MYOM2: variants seen among roughly 807,000 people sequenced by gnomAD.
MYOM2 encodes the protein myomesin-2.
A neutral mutation model predicts 187.6 loss-of-function variants in MYOM2; 254 were observed. That is an observed-to-expected ratio of 1.35 (90% confidence interval 1.22 to 1.50). The LOEUF (loss-of-function observed/expected upper bound fraction) is 1.50, where lower values mean the gene tolerates loss of function less well. Ranked by LOEUF, MYOM2 falls within the 40% of genes most tolerant of loss-of-function variation. The pLI is 0.00. For missense variants in MYOM2, 2,796 were observed against 1,924.0 expected, an observed-to-expected ratio of 1.45 and a Z score of -8.48; for synonymous variants, 981 against 753.8, an observed-to-expected ratio of 1.30 and a Z score of -4.94.
rs781403353 is a variant in MYOM2, at chr8:2,100,969, C to T, written c.2534C>T (p.Ser845Phe). ...GTGTACTCCGGCAGCAGCCCTGTTT[C>T]TGGATATTTCGTGGACTTCAGGGAG... Reference protein sequence around the residue: ...APVYSGSSPVSGYFVDFREED... With the variant: ...APVYSGSSPVFGYFVDFREED... The change falls in exon 20 of 37, where the codon TCT becomes TTT. Residue 845 changes from serine to phenylalanine, a missense_variant. Transcript: ENST00000262113. The T allele has an allele frequency of 4.3e-6, 7 of 1,614,188 alleles. No individual in the cohort carries two copies. Among genetic ancestry groups the T allele is most frequent in the Non-Finnish European group, 3.4e-6 (4 of 1,180,032 alleles).
rs759615312 is a variant in MYOM2, at chr8:2,076,258, C to G, written c.1238C>G (p.Pro413Arg). Residue 413 changes from proline to arginine, a missense_variant, in exon 11 of 37, where the codon CCC (proline) becomes CGC (arginine). By Grantham distance (103) the Pro-to-Arg change is moderately radical. Transcript: ENST00000262113. ...CCGCCCAACACCACCACTGAGAGCC[C>G]CGTCATGGGCTATTTTGTGGACCGG... ...WKPPNTTTES[P>R]VMGYFVDRCE... The G allele has an allele frequency of 1.2e-6, 2 of 1,613,664 alleles. No individual in the cohort carries two copies. The highest frequency in any genetic ancestry group is 2.2e-5 in the East Asian group (1 of 44,892).
intron 1 of MYOM2, among the ~76,000 whole-genome samples, chr8:2,049,879 G>A (rs11136457): frequency 0.3 from 45,733 of 151,898 alleles, 7,312 homozygotes; most frequent in Non-Finnish European, 0.36. Context: ...GATGGAACTC[G>A]CTCATCTCCT....
In MYOM2 at chr8:2,092,536, C is replaced by T. The variant is rs1388237215; in HGVS notation, c.2003+16C>T. ...GATACAACAGGTGCGGCCTCCCTCC[C>T]CAGCCCTGGAGTCAGCCTTGCAGGA... On this transcript the variant is annotated intron_variant, in intron 16 of 36. Transcript: ENST00000262113. The T allele has an allele frequency of 6.2e-7, 1 of 1,612,620 alleles. No individual in the cohort carries two copies. Among genetic ancestry groups the T allele is most frequent in the Non-Finnish European group, 8.5e-7 (1 of 1,179,366 alleles).
Position 2,057,439 on chromosome 8 carries a change from C to G in MYOM2, c.355C>G (p.Arg119Gly), listed in dbSNP as rs570741458. The change falls in exon 4 of 37, where the codon CGC becomes GGC. Residue 119 changes from arginine to glycine, a missense_variant. Coordinates refer to ENST00000262113, the MANE Select transcript of MYOM2 (RefSeq NM_003970.4). ...CTTGGAGGAGGATGTCCACCTGGCA[C>G]GCTCCCAGGCCCGCGACAAGCTGGA... is the stretch of plus-strand genomic sequence containing the variant. ...AHLEEDVHLA[R>G]SQARDKLDKY... 6.2e-7 allele frequency: 1 copy of G among 1,613,992 alleles called. No individual in the cohort carries two copies. Among genetic ancestry groups the G allele is most frequent in the South Asian group, 1.1e-5 (1 of 91,030 alleles).
intron 6 of MYOM2, among the ~76,000 whole-genome samples, chr8:2,067,629 G>A (rs1819060514): frequency 1.3e-5 from 2 of 152,270 alleles, no homozygotes; most frequent in African/African-American, 4.8e-5. Context: ...AAGCTGGTGG[G>A]AAGACAGTTC....
intron 10 of MYOM2, 73 bp from the exon 11 acceptor site, chr8:2,076,068 A>C: frequency 1.4e-6 from 2 of 1,417,964 alleles, no homozygotes; most frequent in Non-Finnish European, 1.9e-6. Flanking sequence ...AGCTTGGAGG[A>C]GCTGTAAACA....
chr8:2,122,741 C>T (rs769988760), intron 28 of MYOM2, among the ~76,000 whole-genome samples: 3 of 152,162 alleles, frequency 2.0e-5, no homozygotes, highest in Non-Finnish European at 2.9e-5. Context: ...TTCTAGCCAG[C>T]GATTGAATTG....
chr8:2,045,915 C>T (rs1011103266), intron 1 of MYOM2, among the ~76,000 whole-genome samples: 4 of 152,248 alleles, frequency 2.6e-5, no homozygotes, highest in Non-Finnish European at 5.9e-5. Flanking sequence ...CTGGGAACAC[C>T]TGGCCTTTTC....
chr8:2,100,716 G>C (rs147135468), intron 19 of MYOM2, among the ~76,000 whole-genome samples, 160 bp from the exon 20 acceptor site: 2,035 of 152,202 alleles, frequency 0.013, 21 homozygotes, highest in South Asian at 0.028. Flanking sequence ...TCCTTACCCT[G>C]CTCTGCAAGA....
At chr8:2,057,522 G>A (rs754843872) in intron 4 of MYOM2, 36 bp downstream of exon 4, 2 of 1,613,588 alleles carry the variant, frequency 1.2e-6, no homozygotes, top group Admixed American at 3.3e-5. Context: ...TGTCTGGGAA[G>A]CGTGGACTAG....
intron 6 of MYOM2, 99 bp from the exon 7 acceptor site, chr8:2,069,179 G>A (rs1275347674): frequency 2.4e-5 from 27 of 1,138,294 alleles, no homozygotes; most frequent in Middle Eastern, 3.0e-4. Context: ...AATAAACCAC[G>A]CCATGTGATT....
At chr8:2,137,532 G>A (rs1485209313) in intron 32 of MYOM2, among the ~76,000 whole-genome samples, 1 of 151,590 alleles carries the variant, frequency 6.6e-6, no homozygotes, top group African/African-American at 2.4e-5. Context: ...GTGTGTGCAG[G>A]AAGCACACAT....
chr8:2,071,919 C>G (rs1386328245), intron 8 of MYOM2, among the ~76,000 whole-genome samples: 1 of 152,180 alleles, frequency 6.6e-6, no homozygotes, highest in African/African-American at 2.4e-5. Flanking sequence ...TGGGGTCCCA[C>G]TCTCACGATC....
chr8:2,049,741 G>A (rs1008822499), intron 1 of MYOM2, among the ~76,000 whole-genome samples: 3 of 152,306 alleles, frequency 2.0e-5, no homozygotes, highest in Admixed American at 1.3e-4. Context: ...TTAGGAATAC[G>A]GTCCCTACGT....
intron 20 of MYOM2, among the ~76,000 whole-genome samples, chr8:2,101,436 G>A (rs1246430339): frequency 2.0e-5 from 3 of 152,232 alleles, no homozygotes; most frequent in Non-Finnish European, 4.4e-5. Flanking sequence ...TTCCCTCTGT[G>A]TGAAAGTGCT....
intron 28 of MYOM2, chr8:2,119,218 G>C (rs948661419): frequency 6.6e-6 from 1 of 152,306 alleles, no homozygotes; most frequent in African/African-American, 2.4e-5. Flanking sequence ...TGAGGTATTG[G>C]GAATGCTTGG....
In MYOM2 at chr8:2,141,154, A is replaced by G. The variant is rs745943085; in HGVS notation, c.3978A>G (p.Ala1326=). 30 of 1,612,176 alleles carry G rather than the reference A, an allele frequency of 1.9e-5. No homozygotes were observed. The highest frequency in any genetic ancestry group is 2.5e-5 in the Non-Finnish European group (29 of 1,178,668). The change falls in exon 34 of 37, where the codon GCA becomes GCG. Residue 1326 remains alanine, a synonymous_variant. Transcript: ENST00000262113. ...LDLSGQAFDE[A]FAEFQQFKAA... is the part of the protein sequence containing the mutation. Reference sequence around the variant, plus strand: ...ATTTCCTCACAGCTTTTGATGAAGCATTTGCAGAATTCCAGCAATTCAAGT... The same window carrying G: ...ATTTCCTCACAGCTTTTGATGAAGCGTTTGCAGAATTCCAGCAATTCAAGT...
At chr8:2,140,043 T>A (rs1798220532) in intron 32 of MYOM2, among the ~76,000 whole-genome samples, 1 of 152,024 alleles carries the variant, frequency 6.6e-6, no homozygotes, top group East Asian at 1.9e-4. Flanking sequence ...CACCCGAAAC[T>A]CTGTTCCCAT....
At chr8:2,122,149 A>T (rs1223499950) in intron 28 of MYOM2, among the ~76,000 whole-genome samples, 2 of 152,244 alleles carry the variant, frequency 1.3e-5, no homozygotes, top group African/African-American at 4.8e-5. Context: ...AAGCAATTAG[A>T]TTGGCATTGA....
Sources: allele counts gnomAD v4.1 joint callset (sites outside exome capture counted in the v4.1 genomes callset), GRCh38; gene constraint gnomAD v4.1.1; transcripts MANE v1.5; gene names NCBI Gene and HGNC (gene_info 2026-07-23, HGNC 2026-07-21).